The following SPTLC2 variants were observed in gnomAD, a reference collection of about 807,000 sequenced individuals.
SPTLC2 encodes serine palmitoyltransferase long chain base subunit 2, also known as serine palmitoyltransferase 2.
In SPTLC2, 21 loss-of-function variants were observed where a neutral mutation model predicts 62.0. The ratio of observed to expected loss-of-function variants is 0.34; its 90% CI spans 0.24 to 0.49. SPTLC2 has a LOEUF of 0.49. Among genes scored for constraint, SPTLC2 ranks in the 20% least tolerant of loss-of-function variants. SPTLC2 has a pLI of 0.99. For missense variants in SPTLC2, 511 were observed against 713.0 expected (o/e 0.72, Z 3.23); for synonymous variants, 261 against 261.8 (o/e 1.00, Z 0.03).
intron 5 of SPTLC2, among the ~76,000 whole-genome samples, chr14:77,563,095 T>C (rs2079623830): frequency 6.6e-6 from 1 of 151,534 alleles, no homozygotes; most frequent in African/African-American, 2.4e-5. Flanking sequence ...GGTTTTTTTT[T>C]TCACTGCAGT....
Position 77,548,086 on chromosome 14 carries a change from T to C in SPTLC2, c.1303+4010A>G, listed in dbSNP as rs183016118. On this transcript the variant is annotated intron_variant, in intron 9 of 11. Coordinates refer to ENST00000216484, the MANE Select transcript of SPTLC2 (RefSeq NM_004863.4). Reference sequence around the variant, plus strand: ...TCAGTAGCTGCCTGCAAGGACCCAGTTCCTTTCAAAACAAAGAAGTACAAA... The same window carrying C: ...TCAGTAGCTGCCTGCAAGGACCCAGCTCCTTTCAAAACAAAGAAGTACAAA... Among the ~76,000 whole-genome samples, 557 of 152,252 alleles carry C rather than the reference T, an allele frequency of 3.7e-3. 1 individual carries two copies. The highest frequency in any genetic ancestry group is 6.0e-3 in the Non-Finnish European group (405 of 68,010).
At chr14:77,584,796 G>GACACAC (rs149917156) in intron 2 of SPTLC2, among the ~76,000 whole-genome samples, 2 of 151,646 alleles carry the variant, frequency 1.3e-5, no homozygotes, top group African/African-American at 4.8e-5. Flanking sequence ...AAGACACACA[G>GACACAC]ACACACACAC....
chr14:77,561,759 C>A (rs556750277), intron 6 of SPTLC2, among the ~76,000 whole-genome samples: 1 of 152,274 alleles, frequency 6.6e-6, no homozygotes, highest in Non-Finnish European at 1.5e-5. Context: ...CGGGTACACA[C>A]CTAACATTTT....
At chr14:77,550,011 T>C (rs1387001139) in intron 9 of SPTLC2, among the ~76,000 whole-genome samples, 2 of 152,196 alleles carry the variant, frequency 1.3e-5, no homozygotes, top group African/African-American at 4.8e-5. Context: ...TAGCTGTATG[T>C]ATATATATGT....
chr14:77,552,862 G>T (rs1486899960), intron 8 of SPTLC2, among the ~76,000 whole-genome samples: 2 of 151,624 alleles, frequency 1.3e-5, no homozygotes, highest in Non-Finnish European at 2.9e-5. Flanking sequence ...ATTAAACAAG[G>T]TGTTTGGATT....
At chr14:77,582,037 TC>T (rs1280217324) in intron 2 of SPTLC2, among the ~76,000 whole-genome samples, 1 of 147,798 alleles carries the variant, frequency 6.8e-6, no homozygotes, top group Admixed American at 7.0e-5. Context: ...TTATCTCATT[TC>T]TTTTTTTTAA....
intron 2 of SPTLC2, among the ~76,000 whole-genome samples, chr14:77,593,499 G>A (rs887379034): frequency 1.2e-4 from 19 of 152,166 alleles, no homozygotes; most frequent in Non-Finnish European, 1.5e-5. Flanking sequence ...TCCATAGATT[G>A]AGAAAAACAA....
chr14:77,560,027 G>C (rs564510218), intron 6 of SPTLC2, among the ~76,000 whole-genome samples: 8 of 152,016 alleles, frequency 5.3e-5, no homozygotes, highest in Non-Finnish European at 1.2e-4. Context: ...CTTACAAGTA[G>C]AGTTAAAAAA....
At chr14:77,563,158 GA>G (rs1441175535) in intron 5 of SPTLC2, among the ~76,000 whole-genome samples, 1 of 151,568 alleles carries the variant, frequency 6.6e-6, no homozygotes, top group African/African-American at 2.4e-5. Flanking sequence ...TCTCAACTCA[GA>G]AAAAGGTTTT....
At chr14:77,585,387 T>A (rs1044932462) in intron 2 of SPTLC2, among the ~76,000 whole-genome samples, 1 of 152,230 alleles carries the variant, frequency 6.6e-6, no homozygotes, top group African/African-American at 2.4e-5. Flanking sequence ...AAACTAACAC[T>A]ATTAGTGGTA....
At chr14:77,545,707 G>GA (rs1030907074) in intron 9 of SPTLC2, among the ~76,000 whole-genome samples, 2 of 151,736 alleles carry the variant, frequency 1.3e-5, no homozygotes, top group Non-Finnish European at 2.9e-5. Context: ...CATAATTCTG[G>GA]GGGGAGAAAA....
intron 9 of SPTLC2, among the ~76,000 whole-genome samples, chr14:77,530,432 G>A (rs1406207357): frequency 6.6e-6 from 1 of 152,064 alleles, no homozygotes; most frequent in African/African-American, 2.4e-5. Flanking sequence ...AGGTTCAAGC[G>A]ATTCTCGTGC....
intron 9 of SPTLC2, among the ~76,000 whole-genome samples, chr14:77,542,664 TC>T (rs1261534461): frequency 6.6e-6 from 1 of 152,174 alleles, no homozygotes; most frequent in Non-Finnish European, 1.5e-5. Flanking sequence ...CGTCTTCATA[TC>T]CTAGGGATGC....
At chr14:77,583,961 AAAC>A (rs1353284303) in intron 2 of SPTLC2, among the ~76,000 whole-genome samples, 2 of 152,198 alleles carry the variant, frequency 1.3e-5, no homozygotes, top group Non-Finnish European at 2.9e-5. Flanking sequence ...AGGAGAGGGA[AAAC>A]AATACCTACT....
At chr14:77,588,213 T>C (rs1488877238) in intron 2 of SPTLC2, among the ~76,000 whole-genome samples, 1 of 152,162 alleles carries the variant, frequency 6.6e-6, no homozygotes, top group Non-Finnish European at 1.5e-5. Context: ...GCTGGGATTA[T>C]TGGTATGAGC....
intron 1 of SPTLC2, among the ~76,000 whole-genome samples, chr14:77,615,316 T>C (rs928907769): frequency 6.6e-6 from 1 of 152,254 alleles, no homozygotes. Flanking sequence ...CAACATGACC[T>C]GGAAAAATGC....
chr14:77,576,896 T>C lies in SPTLC2; in HGVS notation c.502A>G (p.Lys168Glu), dbSNP rs762005720. The C allele has an allele frequency of 4.5e-5, 73 of 1,614,002 alleles. No homozygotes were observed. The highest frequency in any genetic ancestry group is 6.1e-5 in the Non-Finnish European group (72 of 1,180,038). ...WSFKYTGNII[K>E]GVINMGSYNY... ...TAGGAACCCATGTTTATAACACCCT[T>C]TATTATATTCCCTGTATACCTGTGC... The change falls in exon 4 of 12, where the codon AAG becomes GAG. Residue 168 changes from lysine (K) to glutamate (E), a missense_variant. Transcript: ENST00000216484.
chr14:77,550,088 G>C (rs1234415069), intron 9 of SPTLC2, among the ~76,000 whole-genome samples: 1 of 152,182 alleles, frequency 6.6e-6, no homozygotes, highest in Non-Finnish European at 1.5e-5. Context: ...AAGGAGAGGA[G>C]ATATAGCTGT....
At chr14:77,545,743 G>GA (rs1171690341) in intron 9 of SPTLC2, among the ~76,000 whole-genome samples, 1 of 152,188 alleles carries the variant, frequency 6.6e-6, no homozygotes, top group African/African-American at 2.4e-5. Context: ...TGAAGGTTTA[G>GA]AAAGTTAGAA....
Sources: allele counts gnomAD v4.1 joint callset (sites outside exome capture counted in the v4.1 genomes callset), GRCh38; gene constraint gnomAD v4.1.1; transcripts MANE v1.5; gene names NCBI Gene and HGNC (gene_info 2026-07-23, HGNC 2026-07-21).